Variants in CASP10 observed in about 807,000 individuals in gnomAD.
CASP10 encodes the protein caspase 10.
A neutral mutation model predicts 48.5 loss-of-function variants in CASP10; 41 were observed. The observed-to-expected ratio is 0.85, with a 90% CI of 0.66 to 1.10. The LOEUF (loss-of-function observed/expected upper bound fraction) is 1.10. CASP10 is among the 50% of genes least tolerant of loss of function. CASP10 has a pLI of 0.00. For synonymous variants in CASP10, 232 were observed against 238.4 expected, an observed-to-expected ratio of 0.97 and a Z score of 0.25; for missense variants, 614 against 614.5, an observed-to-expected ratio of 1.00 and a Z score of 0.01.
chr2:201,201,567 G>A (rs1054552996), intron 5 of CASP10, among the ~76,000 whole-genome samples: 15 of 147,516 alleles, frequency 1.0e-4, no homozygotes, highest in African/African-American at 1.8e-4. Context: ...CCTCTGAAGC[G>A]CTGTGGTTCC....
chr2:201,208,826 G>T (rs975360084), intron 8 of CASP10, among the ~76,000 whole-genome samples: 1 of 152,038 alleles, frequency 6.6e-6, no homozygotes, highest in African/African-American at 2.4e-5. Flanking sequence ...TTACAGGCGT[G>T]AGCCACCACA....
chr2:201,209,678 C>G, intron 9 of CASP10, 116 bp downstream of exon 9: 1 of 1,059,372 alleles, frequency 9.4e-7, no homozygotes, highest in Non-Finnish European at 1.3e-6. Flanking sequence ...TATCCATGTA[C>G]CTGTTCAACC....
intron 5 of CASP10, among the ~76,000 whole-genome samples, chr2:201,199,066 GCT>G (rs1291988344): frequency 2.0e-5 from 3 of 152,006 alleles, no homozygotes; most frequent in Admixed American, 1.3e-4. Flanking sequence ...ACTCACACTT[GCT>G]CTCTTTCTCC....
intron 3 of CASP10, among the ~76,000 whole-genome samples, chr2:201,189,676 A>C (rs1284424693): frequency 6.6e-6 from 1 of 152,136 alleles, no homozygotes; most frequent in East Asian, 1.9e-4. Context: ...GAGGTATTTC[A>C]ATCTACTGCA....
At chr2:201,200,662 G>A in intron 5 of CASP10, 5 of 1,412,284 alleles carry the variant, frequency 3.5e-6, no homozygotes, top group Non-Finnish European at 4.6e-6. Flanking sequence ...TCAGCTTTGG[G>A]AGGCCACTTT....
rs747068686 is a variant in CASP10, at chr2:201,219,136, G to A, written c.*1395G>A. 7 of 271,646 alleles carry A rather than the reference G, an allele frequency of 2.6e-5. No homozygotes were observed. The highest frequency in any genetic ancestry group is 3.9e-5 in the Non-Finnish European group (7 of 177,596). 16.8% of individuals were successfully genotyped at this position (271,646 alleles called of 1,614,324 possible). ...AACACAAAAATTAGCCAGGTGTGGCGGCGAGCACCTGTAATCCCAGCTACT... is the reference window on the plus strand; with the variant it reads ...AACACAAAAATTAGCCAGGTGTGGCAGCGAGCACCTGTAATCCCAGCTACT... On this transcript the variant is annotated 3_prime_UTR_variant, in exon 10 of 10. Coordinates refer to ENST00000286186, the MANE Select transcript of CASP10 (RefSeq NM_032977.4).
rs771922378 is a variant in CASP10, at chr2:201,209,075, C to T, written c.928C>T (p.Leu310=). 5.6e-6 allele frequency: 9 copies of T among 1,601,248 alleles called. No homozygotes were observed. Among genetic ancestry groups the T allele is most frequent in the Non-Finnish European group, 7.7e-6 (9 of 1,175,014 alleles). ...TTTTTTTTGTTTTTAAACAGAGATC[C>T]TGAGTCATGTGTTCCAGTGGCTTGG... is the stretch of plus-strand genomic sequence containing the variant. The part of the protein sequence containing the change: ...RQGTHKDAEI[L]SHVFQWLGFT... Residue 310 remains leucine, a synonymous_variant, in exon 9 of 10, where the codon CTG becomes TTG. Transcript: ENST00000286186.
In CASP10 at chr2:201,185,764, C is replaced by G; in HGVS notation, c.-7-7C>G. 1 of 1,595,374 alleles carries G rather than the reference C, an allele frequency of 6.3e-7. No homozygotes were observed. The highest frequency in any genetic ancestry group is 8.6e-7 in the Non-Finnish European group (1 of 1,163,086). On this transcript the variant is annotated splice_region_variant and splice_polypyrimidine_tract_variant and intron_variant, in intron 1 of 9. Transcript: ENST00000286186. ...AACTCCCTGCCCCACCTCTCTGTCC[C>G]TTTCAGGCTGGCCATGAAATCTCAA...
At chr2:201,203,358 G>A (rs1048619231) in intron 5 of CASP10, among the ~76,000 whole-genome samples, 2 of 150,178 alleles carry the variant, frequency 1.3e-5, no homozygotes, top group South Asian at 2.1e-4. Flanking sequence ...CCAGGCTGGA[G>A]TGCAGTTGCG....
chr2:201,224,220 C>T (rs1945761154), downstream of CASP10, among the ~76,000 whole-genome samples: 1 of 152,038 alleles, frequency 6.6e-6, no homozygotes, highest in Admixed American at 6.6e-5. Flanking sequence ...ATCCGCCCGC[C>T]TTGGCCTTCC....
chr2:201,217,186 A>C (rs1945596462), intron 9 of CASP10, among the ~76,000 whole-genome samples: 1 of 152,130 alleles, frequency 6.6e-6, no homozygotes, highest in South Asian at 2.1e-4. Context: ...CATCTGCTGC[A>C]TATTTGTTGA....
chr2:201,215,320 A>G (rs537858843), intron 9 of CASP10, among the ~76,000 whole-genome samples: 1 of 150,488 alleles, frequency 6.6e-6, no homozygotes, highest in Non-Finnish European at 1.5e-5. Flanking sequence ...TCTTGTTTTA[A>G]AAATCCTTGC....
In CASP10 at chr2:201,209,162, C is replaced by G. The variant is rs111775921; in HGVS notation, c.1015C>G (p.Gln339Glu). 37 of 1,611,980 alleles carry G rather than the reference C, an allele frequency of 2.3e-5. No individual in the cohort carries two copies. Among genetic ancestry groups the G allele is most frequent in the African/African-American group, 1.7e-4 (13 of 74,714 alleles). The change falls in exon 9 of 10, where the codon CAG becomes GAG. Residue 339 changes from glutamine to glutamate, a missense_variant. By Grantham distance (29) the Gln-to-Glu change is conservative. Transcript: ENST00000286186. ...GGAAATGGAGATGGTCCTGCAGAAG[C>G]AGAAGTGCAATCCAGCCCATGCCGA... ...KVEMEMVLQK[Q>E]KCNPAHADGD...
intron 3 of CASP10, among the ~76,000 whole-genome samples, chr2:201,190,908 C>A (rs1006458796): frequency 6.6e-6 from 1 of 152,032 alleles, no homozygotes; most frequent in Non-Finnish European, 1.5e-5. Context: ...GTTGCCCAGT[C>A]TGGAGTGCAA....
intron 2 of CASP10, 199 bp downstream of exon 2, chr2:201,186,323 C>A (rs764873503): frequency 1.2e-5 from 7 of 571,090 alleles, no homozygotes; most frequent in Non-Finnish European, 2.2e-5. Context: ...GCTTCAAGAC[C>A]AAGCCCTGGG....
rs1359314770 is a variant in CASP10 at position 201,205,750 on chromosome 2, C to G, written c.722-132C>G. 3 of 702,178 alleles carry G rather than the reference C, an allele frequency of 4.3e-6. No homozygotes were observed. The Admixed American group carries it at 6.1e-5, about 14-fold the overall frequency. The allele number at this position is 702,178 out of a possible 1,614,324, so 43.5% of individuals were successfully genotyped here. ...CATCAGTCTCTCCCATCAGGAAGGGCATGGTGGCTGAATTTGTCTCAGGAG... is the reference window on the plus strand; with the variant it reads ...CATCAGTCTCTCCCATCAGGAAGGGGATGGTGGCTGAATTTGTCTCAGGAG... On this transcript the variant is annotated intron_variant, in intron 6 of 9. Coordinates refer to ENST00000286186, the MANE Select transcript of CASP10 (RefSeq NM_032977.4).
At chr2:201,210,270 C>T (rs1411010440) in intron 9 of CASP10, among the ~76,000 whole-genome samples, 1 of 152,202 alleles carries the variant, frequency 6.6e-6, no homozygotes, top group Non-Finnish European at 1.5e-5. Context: ...GCCATGGGCT[C>T]CTCCATGAAA....
chr2:201,185,399 A>G (rs1410462828), intron 1 of CASP10, among the ~76,000 whole-genome samples: 4 of 152,110 alleles, frequency 2.6e-5, no homozygotes, highest in African/African-American at 9.7e-5. Flanking sequence ...GCCAAGTGCT[A>G]TTTCTGCCAC....
In CASP10 at chr2:201,187,777, A is replaced by C. The variant is rs750569928; in HGVS notation, c.419A>C (p.Asp140Ala). 2 of 1,613,896 alleles carry C rather than the reference A, an allele frequency of 1.2e-6. No homozygotes were observed. Among genetic ancestry groups the C allele is most frequent in the African/African-American group, 1.3e-5 (1 of 74,996 alleles). Residue 140 changes from aspartate to alanine, a missense_variant, in exon 3 of 10, where the codon GAC becomes GCC. Transcript: ENST00000286186. ...NLKDMIFLLK[D>A]SLPKTEMTSL... is the part of the protein sequence containing the mutation. ...AAGGACATGATCTTCCTTCTGAAAGACTCGCTTCCCAAAACTGAAATGGTG... is the reference window on the plus strand; with the variant it reads ...AAGGACATGATCTTCCTTCTGAAAGCCTCGCTTCCCAAAACTGAAATGGTG...
Sources: gnomAD v4.1 joint callset for allele counts (sites outside exome capture counted in the v4.1 genomes callset) on GRCh38, gnomAD v4.1.1 for gene constraint, MANE v1.5 for transcripts, NCBI Gene and HGNC (gene_info 2026-07-23, HGNC 2026-07-21) for gene names.